SP6: variants seen among roughly 807,000 people sequenced by gnomAD.
SP6 encodes the protein Sp6 transcription factor.
A neutral mutation model predicts 23.4 loss-of-function variants in SP6; 10 were observed. The observed-to-expected ratio is 0.43, with a 90% CI of 0.26 to 0.72. The LOEUF (loss-of-function observed/expected upper bound fraction) is 0.72. Among genes scored for constraint, SP6 ranks in the 30% least tolerant of loss-of-function variants. The pLI is 0.23. For synonymous variants in SP6, 238 were observed against 238.7 expected, an observed-to-expected ratio of 1.00 and a Z score of 0.03; for missense variants, 482 against 523.8, an observed-to-expected ratio of 0.92 and a Z score of 0.78.
rs2033917301 is a variant in SP6 at position 47,848,283 on chromosome 17, A to G, written c.147T>C (p.Pro49=). 2 of 1,612,240 alleles carry G rather than the reference A, an allele frequency of 1.2e-6. No homozygotes were observed. Among genetic ancestry groups the G allele is most frequent in the African/African-American group, 1.3e-5 (1 of 74,996 alleles). Residue 49 remains proline, a synonymous_variant, in exon 2 of 2, where the codon CCT becomes CCC. Coordinates refer to ENST00000536300, the MANE Select transcript of SP6 (RefSeq NM_001258248.2). This position sits in a 1 kb window ranked among gnomAD's most constrained non-coding sequence, Gnocchi z 5.3. ...EAGDYPSPLQ[P]GELQSLPLGP... ...CCAGCGGGAGGCTCTGCAGCTCTCC[A>G]GGCTGCAGCGGGGAGGGGTAGTCCC...
chr17:47,855,188 T>A (rs953382115), upstream of SP6, among the ~76,000 whole-genome samples: 1 of 152,202 alleles, frequency 6.6e-6, no homozygotes, highest in Non-Finnish European at 1.5e-5. Flanking sequence ...CATCTGTATG[T>A]CGGTGTGTGT....
At position 47,848,045 on chromosome 17, in the gene SP6, A is replaced by G; in HGVS notation, c.385T>C (p.Trp129Arg). The change falls in exon 2 of 2, where the codon TGG becomes CGG. Residue 129 changes from tryptophan (W) to arginine (R), a missense_variant. By Grantham distance (101) the Trp-to-Arg change is moderately radical. This residue lies in a region of SP6 where 330 missense variants were observed against 332.3 expected (regional missense o/e 0.99). Coordinates refer to ENST00000536300, the MANE Select transcript of SP6 (RefSeq NM_001258248.2). This position sits in a 1 kb window ranked among gnomAD's most constrained non-coding sequence, Gnocchi z 5.3. ...CCCTGAGTGTGGGGGAGGTCCATCC[A>G]GCTGGTGCCCGGATGAAGGTCCCAC... ...SWWDLHPGTS[W>R]MDLPHTQGAL... 1 of 1,612,688 alleles carries G rather than the reference A, an allele frequency of 6.2e-7. No individual in the cohort carries two copies. The highest frequency in any genetic ancestry group is 1.7e-5 in the Admixed American group (1 of 59,950).
upstream of SP6, among the ~76,000 whole-genome samples, chr17:47,852,455 C>T (rs1339192207): frequency 6.6e-6 from 1 of 152,072 alleles, no homozygotes; most frequent in Non-Finnish European, 1.5e-5. Context: ...AGATTAATTT[C>T]CCTATTTCTT....
In SP6 at chr17:47,845,414, GA is replaced by G. The variant is rs1243727664; in HGVS notation, c.*1884del. On this transcript the variant is annotated 3_prime_UTR_variant, in exon 2 of 2. Transcript: ENST00000536300. ...TAGCAGGAGGTAGGGAAAAGAGAAA[GA>G]AAGAAAGAACATTACTTCTTAAACT... The G allele has an allele frequency of 6.6e-6, 1 of 152,204 alleles. No homozygotes were observed. Among genetic ancestry groups the G allele is most frequent in the Non-Finnish European group, 1.5e-5 (1 of 68,024 alleles). 9.4% of individuals were successfully genotyped at this position (152,204 alleles called of 1,614,324 possible). A position where few individuals can be genotyped will look rare whatever the true frequency, so the allele number is the denominator to read the frequency against.
the SP6 span, among the ~76,000 whole-genome samples, chr17:47,867,621 C>T: frequency 6.6e-6 from 1 of 152,058 alleles, no homozygotes; most frequent in East Asian, 1.9e-4. Context: ...TCCTCCCACC[C>T]CCACCCCCAT....
upstream of SP6, among the ~76,000 whole-genome samples, chr17:47,860,785 G>A (rs1216104367): frequency 6.6e-6 from 1 of 152,004 alleles, no homozygotes; most frequent in Non-Finnish European, 1.5e-5. Context: ...TTGGCCTCAT[G>A]GCCTTCAAGA....
the SP6 span, among the ~76,000 whole-genome samples, chr17:47,865,519 C>G: frequency 3.9e-5 from 6 of 152,142 alleles, no homozygotes; most frequent in Non-Finnish European, 5.9e-5. Flanking sequence ...CCACCTCCCC[C>G]CTCAGGCACC....
At chr17:47,850,651 C>T (rs1471825494) in intron 1 of SP6, among the ~76,000 whole-genome samples, 1 of 152,222 alleles carries the variant, frequency 6.6e-6, no homozygotes, top group African/African-American at 2.4e-5. Flanking sequence ...GGCTCTGCCT[C>T]TCTGGATCAC....
At position 47,848,794 on chromosome 17, in the gene SP6, T is replaced by C. The variant is rs1255566441; in HGVS notation, c.-57-308A>G. Among the ~76,000 whole-genome samples, 1 of 151,994 alleles carries C rather than the reference T, an allele frequency of 6.6e-6. No homozygotes were observed. Among genetic ancestry groups the C allele is most frequent in the Non-Finnish European group, 1.5e-5 (1 of 67,998 alleles). ...CACCTACAGCACAGTGCTAGAACCATCCCCACCCCAGCTGCCCAGGCCAAC... is the reference window on the plus strand; with the variant it reads ...CACCTACAGCACAGTGCTAGAACCACCCCCACCCCAGCTGCCCAGGCCAAC... On this transcript the variant is annotated intron_variant, in intron 1 of 1. Transcript: ENST00000536300. This position sits in a 1 kb window ranked among gnomAD's most constrained non-coding sequence, Gnocchi z 5.3.
At chr17:47,876,127 A>ACC in the SP6 span, among the ~76,000 whole-genome samples, 1 of 152,168 alleles carries the variant, frequency 6.6e-6, no homozygotes, top group Non-Finnish European at 1.5e-5. Context: ...TGGAATTATC[A>ACC]CCTTAGCAGA....
In SP6 at chr17:47,847,227, C is replaced by G; in HGVS notation, c.*72G>C. 4 of 1,413,082 alleles carry G rather than the reference C, an allele frequency of 2.8e-6. No homozygotes were observed. The highest frequency in any genetic ancestry group is 2.9e-5 in the South Asian group (2 of 67,840). 87.5% of individuals were successfully genotyped at this position (1,413,082 alleles called of 1,614,324 possible). On this transcript the variant is annotated 3_prime_UTR_variant, in exon 2 of 2. Coordinates refer to ENST00000536300, the MANE Select transcript of SP6 (RefSeq NM_001258248.2). Reference sequence around the variant, plus strand: ...CTTCCCCTCTTCCTCAAGCCACCCCCAAGGACGTCAGACCTGGGGGCTCGC... The same window carrying G: ...CTTCCCCTCTTCCTCAAGCCACCCCGAAGGACGTCAGACCTGGGGGCTCGC...
chr17:47,870,307 C>T, the SP6 span, among the ~76,000 whole-genome samples: 25 of 152,298 alleles, frequency 1.6e-4, no homozygotes, highest in South Asian at 4.1e-4. Context: ...CTCCACCTCT[C>T]GTGGTCAGCT....
chr17:47,853,255 C>T (rs2033975079), upstream of SP6, among the ~76,000 whole-genome samples: 2 of 152,226 alleles, frequency 1.3e-5, no homozygotes, highest in Non-Finnish European at 2.9e-5. Flanking sequence ...ACAGGAACTG[C>T]TCTGGATCTT....
rs746652539 is a variant in SP6 at position 47,848,198 on chromosome 17, A to G, written c.232T>C (p.Cys78Arg). The change falls in exon 2 of 2, where the codon TGC becomes CGC. Residue 78 changes from cysteine to arginine, a missense_variant. By Grantham distance (180) the Cys-to-Arg change is radical. Transcript: ENST00000536300. This position sits in a 1 kb window ranked among gnomAD's most constrained non-coding sequence, Gnocchi z 5.3. Reference sequence around the variant, plus strand: ...GGACTGTCGCTTTCCAGGTCCTCGCAGGTTACCCGCGAGGAGGCCCCTGGC... The same window carrying G: ...GGACTGTCGCTTTCCAGGTCCTCGCGGGTTACCCGCGAGGAGGCCCCTGGC... ...ELPGASSRVT[C>R]EDLESDSPLA... 6.2e-7 allele frequency: 1 copy of G among 1,612,980 alleles called. No homozygotes were observed. Among genetic ancestry groups the G allele is most frequent in the South Asian group, 1.1e-5 (1 of 91,068 alleles).
At chr17:47,870,980 G>A in the SP6 span, among the ~76,000 whole-genome samples, 1 of 152,134 alleles carries the variant, frequency 6.6e-6, no homozygotes. Flanking sequence ...CCCCTAAAAT[G>A]TGCTGAGAAG....
At chr17:47,850,091 G>A (rs555351812) in intron 1 of SP6, among the ~76,000 whole-genome samples, 1 of 152,180 alleles carries the variant, frequency 6.6e-6, no homozygotes, top group Admixed American at 6.5e-5. Flanking sequence ...GCCGGGGTGG[G>A]GCAGCACAGA....
At chr17:47,854,237 GC>G (rs2033982475), upstream of SP6, among the ~76,000 whole-genome samples, 1 of 152,188 alleles carries the variant, frequency 6.6e-6, no homozygotes, top group Non-Finnish European at 1.5e-5. Flanking sequence ...TCATTAGTCT[GC>G]GTGTTTATCA....
At chr17:47,868,863 C>T in the SP6 span, among the ~76,000 whole-genome samples, 1 of 152,214 alleles carries the variant, frequency 6.6e-6, no homozygotes, top group Non-Finnish European at 1.5e-5. Flanking sequence ...CTCTTCTCCG[C>T]TCTGCAGGTG....
the SP6 span, among the ~76,000 whole-genome samples, chr17:47,868,604 C>G: frequency 6.6e-6 from 1 of 152,184 alleles, no homozygotes. Context: ...TAGTAGCCTC[C>G]TAATGCCAGC....
Sources: gnomAD v4.1 joint callset for allele counts (sites outside exome capture counted in the v4.1 genomes callset) on GRCh38, gnomAD v4.1.1 for gene constraint, gnomAD v4.1.1 regional missense constraint, Gnocchi (gnomAD v3.1) non-coding constraint, MANE v1.5 for transcripts, NCBI Gene and HGNC (gene_info 2026-07-23, HGNC 2026-07-21) for gene names.